PCDHA9: variants seen among roughly 807,000 people sequenced by gnomAD.
PCDHA9 encodes the protein protocadherin alpha-9.
Under a neutral mutation model 62.0 loss-of-function variants are expected in PCDHA9, and 62 were observed. The ratio of observed to expected loss-of-function variants is 1.00; its 90% confidence interval spans 0.81 to 1.23. The LOEUF (loss-of-function observed/expected upper bound fraction) is 1.23. Among genes scored for constraint, PCDHA9 ranks in the 50% most tolerant of loss-of-function variants. PCDHA9 has a pLI of 0.00. For missense variants in PCDHA9, 1,205 were observed against 1,249.8 expected (o/e 0.96, Z 0.54); for synonymous variants, 557 against 567.6 (o/e 0.98, Z 0.27).
intron 1 of PCDHA9, chr5:140,883,223 T>C: frequency 6.2e-7 from 1 of 1,613,922 alleles, no homozygotes; most frequent in Non-Finnish European, 8.5e-7. Flanking sequence ...ATATGAAATA[T>C]CCGTGGAGGC....
chr5:140,932,032 A>G (rs2087965086), intron 1 of PCDHA9, among the ~76,000 whole-genome samples: 1 of 151,934 alleles, frequency 6.6e-6, no homozygotes, highest in African/African-American at 2.4e-5. Context: ...TTTACAGTAT[A>G]TATTAACATA....
chr5:140,988,957 C>G (rs2097322513), intron 3 of PCDHA9: 1 of 152,120 alleles, frequency 6.6e-6, no homozygotes. Context: ...TTCCTTCAAG[C>G]CCCACGATGG....
intron 1 of PCDHA9, among the ~76,000 whole-genome samples, chr5:140,934,191 C>T (rs563342404): frequency 6.6e-6 from 1 of 152,224 alleles, no homozygotes; most frequent in African/African-American, 2.4e-5. Flanking sequence ...ACATACTTTT[C>T]ATTTCTATTT....
intron 1 of PCDHA9, chr5:140,929,499 C>T: frequency 1.0e-6 from 1 of 980,264 alleles, no homozygotes; most frequent in Non-Finnish European, 1.4e-6. Context: ...GAAGATTGCC[C>T]TAGGCCTCAA....
intron 1 of PCDHA9, among the ~76,000 whole-genome samples, chr5:140,973,323 A>G (rs1331752602): frequency 1.3e-5 from 2 of 152,160 alleles, no homozygotes; most frequent in African/African-American, 4.8e-5. Flanking sequence ...AACAGAGTTT[A>G]CACTCGTTGT....
rs539970308 is a variant in PCDHA9 at position 140,890,959 on chromosome 5, G to GGTTTT, written c.2394+40076_2394+40080dup. 2.6e-4 allele frequency among the ~76,000 whole-genome samples: 40 copies of GGTTTT among 152,148 alleles called. 1 individual carries two copies. In the South Asian group the frequency reaches 8.1e-3, roughly 31 times the overall value. On this transcript the variant is annotated intron_variant, in intron 1 of 3. Transcript: ENST00000532602. ...AAGATGCTGGTGAGGAATGATTTCAGGTTTTGTTTTTCTGAAAATGTCTTT... is the reference window on the plus strand; with the variant it reads ...AAGATGCTGGTGAGGAATGATTTCAGGTTTTGTTTTGTTTTTCTGAAAATGTCTTT...
intron 3 of PCDHA9, among the ~76,000 whole-genome samples, chr5:140,985,373 C>G (rs1228293287): frequency 6.6e-6 from 1 of 152,106 alleles, no homozygotes. Flanking sequence ...TTATCTGGGT[C>G]TATATAATCC....
intron 3 of PCDHA9, among the ~76,000 whole-genome samples, chr5:140,984,667 T>A (rs1554246463): frequency 6.6e-6 from 1 of 152,160 alleles, no homozygotes; most frequent in Non-Finnish European, 1.5e-5. Flanking sequence ...TACTTTTAGG[T>A]TTTTAGGACT....
At chr5:140,875,884 C>T (rs531777396) in intron 1 of PCDHA9, 2 of 1,614,168 alleles carry the variant, frequency 1.2e-6, no homozygotes, top group South Asian at 2.2e-5. Flanking sequence ...AGAAAGGGAA[C>T]AAAAGGTACC....
rs1563652468 is a variant in PCDHA9 at position 141,000,419 on chromosome 5, A to AT, written c.2543-9207dup. The stretch of plus-strand genomic sequence containing the variant: ...TCTATATATATATATATATATATAT[A>AT]TATTTTTTTTTTTTTTTTTTTTTTT... On this transcript the variant is annotated intron_variant, in intron 3 of 3. Transcript: ENST00000532602. 4.4e-3 allele frequency among the ~76,000 whole-genome samples: 271 copies of AT among 60,978 alleles called. 1 individual carries two copies. The highest frequency in any genetic ancestry group is 5.9e-3 in the Non-Finnish European group (210 of 35,644). The allele number at this position is 60,978 out of a possible 152,430, so 40.0% of individuals were successfully genotyped here.
chr5:140,874,295 C>G (rs1395734627), intron 1 of PCDHA9, among the ~76,000 whole-genome samples: 2 of 152,110 alleles, frequency 1.3e-5, no homozygotes, highest in Non-Finnish European at 2.9e-5. Context: ...TCTATGTGTA[C>G]TTGTTCACAA....
intron 1 of PCDHA9, chr5:140,858,158 G>C: frequency 6.3e-7 from 1 of 1,597,732 alleles, no homozygotes; most frequent in Non-Finnish European, 8.6e-7. Flanking sequence ...CGCCATCTGC[G>C]CGGTGTCCAG....
At position 140,850,115 on chromosome 5, in the gene PCDHA9, G is replaced by T. The variant is rs2150468444; in HGVS notation, c.1620G>T (p.Ala540=). 1.3e-5 allele frequency: 21 copies of T among 1,595,978 alleles called. 2 individuals are homozygous for T. The highest frequency in any genetic ancestry group is 2.2e-5 in the South Asian group (2 of 90,490). ...LLQFQVSARD[A]GVPPLGSNVT... ...AGTTCCAGGTGAGCGCGCGCGACGC[G>T]GGCGTGCCGCCTCTGGGCAGCAACG... The change falls in exon 1 of 4, where the codon GCG becomes GCT. Residue 540 remains alanine, a synonymous_variant. Coordinates refer to ENST00000532602, the MANE Select transcript of PCDHA9 (RefSeq NM_031857.2).
chr5:140,990,754 G>A (rs3822343), intron 3 of PCDHA9, among the ~76,000 whole-genome samples: 7,419 of 152,246 alleles, frequency 0.049, 237 homozygotes, highest in South Asian at 0.11. Flanking sequence ...GGATACCTTT[G>A]AGCCTGTAAA....
chr5:140,869,252 A>G (rs1204781858), intron 1 of PCDHA9: 2 of 1,613,490 alleles, frequency 1.2e-6, no homozygotes, highest in African/African-American at 2.7e-5. Flanking sequence ...CGCATCGCGC[A>G]GGACCTGGGG....
At chr5:140,903,942 A>G (rs1279645269) in intron 1 of PCDHA9, among the ~76,000 whole-genome samples, 5 of 152,212 alleles carry the variant, frequency 3.3e-5, no homozygotes, top group African/African-American at 1.2e-4. Flanking sequence ...TACCTCTTAA[A>G]TACTGGAAAA....
intron 1 of PCDHA9, among the ~76,000 whole-genome samples, chr5:140,904,951 T>C (rs1468765932): frequency 6.6e-6 from 1 of 152,188 alleles, no homozygotes; most frequent in Non-Finnish European, 1.5e-5. Context: ...GTCCTTTGTC[T>C]GATGCAGAAT....
intron 1 of PCDHA9, chr5:140,856,762 C>T: frequency 6.3e-7 from 1 of 1,596,712 alleles, no homozygotes; most frequent in Non-Finnish European, 8.6e-7. Context: ...ATGATAACGC[C>T]CCTATCTTTG....
chr5:140,891,920 C>G (rs1396526194), intron 1 of PCDHA9, among the ~76,000 whole-genome samples: 10 of 152,206 alleles, frequency 6.6e-5, no homozygotes, highest in Non-Finnish European at 8.8e-5. Flanking sequence ...GATGCTGGTG[C>G]CTTGATCTTG....
Sources: gnomAD v4.1 joint callset for allele counts (sites outside exome capture counted in the v4.1 genomes callset) on GRCh38, gnomAD v4.1.1 for gene constraint, MANE v1.5 for transcripts, NCBI Gene and HGNC (gene_info 2026-07-23, HGNC 2026-07-21) for gene names.